FBXL20: variants seen among roughly 807,000 people sequenced by gnomAD.
FBXL20 encodes the protein F-box/LRR-repeat protein 20.
Under a neutral mutation model 64.0 loss-of-function variants are expected in FBXL20, and 11 were observed. The observed-to-expected ratio is 0.17, with a 90% CI of 0.11 to 0.28. FBXL20 has a LOEUF of 0.28. FBXL20 is among the 10% of genes least tolerant of loss of function. The pLI is 1.00. For missense variants in FBXL20, 303 were observed against 526.2 expected (o/e 0.58, Z 4.15); for synonymous variants, 184 against 189.0 (o/e 0.97, Z 0.22).
intron 9 of FBXL20, among the ~76,000 whole-genome samples, chr17:39,279,902 C>A (rs1296814031): frequency 6.6e-6 from 1 of 151,922 alleles, no homozygotes; most frequent in Admixed American, 6.6e-5. Context: ...AAAAATTAGG[C>A]CATGGCAGTG....
At chr17:39,289,581 G>A (rs1363303420) in intron 6 of FBXL20, among the ~76,000 whole-genome samples, 1 of 152,008 alleles carries the variant, frequency 6.6e-6, no homozygotes, top group Non-Finnish European at 1.5e-5. Flanking sequence ...AGGAGATGGA[G>A]GGTGCAGTGA....
In FBXL20 at chr17:39,259,243, G is replaced by C. The variant is rs545497123; in HGVS notation, c.*2217C>G. On this transcript the variant is annotated 3_prime_UTR_variant, in exon 15 of 15. Transcript: ENST00000264658. Reference sequence around the variant, plus strand: ...ACTTGGGAGGCTGAGGTGGGAGGAAGGCTTGAGCCCAGGAGTTTGAGTCCA... The same window carrying C: ...ACTTGGGAGGCTGAGGTGGGAGGAACGCTTGAGCCCAGGAGTTTGAGTCCA... 5.3e-4 allele frequency: 80 copies of C among 151,880 alleles called. No individual in the cohort carries two copies. Among genetic ancestry groups the C allele is most frequent in the African/African-American group, 1.9e-3 (78 of 41,396 alleles). 9.4% of individuals were successfully genotyped at this position (151,880 alleles called of 1,614,324 possible).
chr17:39,357,500 AT>A (rs1442306907), intron 1 of FBXL20, among the ~76,000 whole-genome samples: 1 of 151,852 alleles, frequency 6.6e-6, no homozygotes, highest in Non-Finnish European at 1.5e-5. Context: ...TTCCTTTTAT[AT>A]TGCCTTCTGG....
intron 5 of FBXL20, 34 bp downstream of exon 5, chr17:39,298,956 C>T: frequency 6.5e-7 from 1 of 1,547,146 alleles, no homozygotes; most frequent in Non-Finnish European, 8.9e-7. Flanking sequence ...TCTTCACTTC[C>T]ATCAAGAAGA....
rs548144765 is a variant in FBXL20 at position 39,398,195 on chromosome 17, T to C, written c.42+3166A>G. Among the ~76,000 whole-genome samples the C allele has an allele frequency of 2.0e-5, 3 of 151,952 alleles. No homozygotes were observed. In the South Asian group the frequency reaches 6.2e-4, roughly 32 times the overall value. ...TACTCGGGAGGCTGAGGCAGTAGAATCGCTTAAAACCTGGGAAGTGGTTGC... is the reference window on the plus strand; with the variant it reads ...TACTCGGGAGGCTGAGGCAGTAGAACCGCTTAAAACCTGGGAAGTGGTTGC... On this transcript the variant is annotated intron_variant, in intron 1 of 14. Coordinates refer to ENST00000264658, the MANE Select transcript of FBXL20 (RefSeq NM_032875.3).
chr17:39,382,044 G>C (rs893966028), intron 1 of FBXL20, among the ~76,000 whole-genome samples: 9 of 134,804 alleles, frequency 6.7e-5, no homozygotes, highest in Non-Finnish European at 1.4e-4. Flanking sequence ...AGTAAGCCCA[G>C]ATCAGGCCAC....
chr17:39,365,527 T>C (rs748380642), intron 1 of FBXL20, among the ~76,000 whole-genome samples: 1 of 152,200 alleles, frequency 6.6e-6, no homozygotes, highest in Admixed American at 6.6e-5. Flanking sequence ...ACTTTCTGCT[T>C]TGGACACCTT....
intron 7 of FBXL20, 23 bp from the exon 8 acceptor site, chr17:39,282,878 G>A (rs1567862789): frequency 1.2e-6 from 2 of 1,613,386 alleles, no homozygotes; most frequent in Non-Finnish European, 1.7e-6. Context: ...CAAAATAAGA[G>A]AAACATATCA....
At chr17:39,326,338 C>T (rs1179947920) in intron 2 of FBXL20, among the ~76,000 whole-genome samples, 2 of 151,644 alleles carry the variant, frequency 1.3e-5, no homozygotes, top group Non-Finnish European at 2.9e-5. Flanking sequence ...AAATGAATAA[C>T]CTAAAGAACT....
chr17:39,326,568 G>C (rs1448418507), intron 2 of FBXL20, among the ~76,000 whole-genome samples: 1 of 151,722 alleles, frequency 6.6e-6, no homozygotes, highest in Non-Finnish European at 1.5e-5. Flanking sequence ...GCTACAGTGA[G>C]CCATAATCAC....
chr17:39,393,270 G>A (rs1205947224), intron 1 of FBXL20, among the ~76,000 whole-genome samples: 1 of 151,726 alleles, frequency 6.6e-6, no homozygotes, highest in Non-Finnish European at 1.5e-5. Context: ...GCCTGGGCAA[G>A]AAGAGCGAAA....
chr17:39,295,729 CTTATT>C (rs1228283481), intron 6 of FBXL20, among the ~76,000 whole-genome samples: 5 of 149,160 alleles, frequency 3.4e-5, no homozygotes, highest in Non-Finnish European at 5.9e-5. Context: ...ACTATTTTTA[CTTATT>C]TTATTTTTGA....
At chr17:39,265,567 G>A (rs962568800) in intron 12 of FBXL20, 114 bp from the exon 13 acceptor site, 1 of 642,214 alleles carries the variant, frequency 1.6e-6, no homozygotes, top group Middle Eastern at 4.3e-4. Flanking sequence ...GTGTAGTGGT[G>A]CAACTATAAG....
chr17:39,275,393 T>C (rs1368169594), intron 9 of FBXL20, among the ~76,000 whole-genome samples: 1 of 151,956 alleles, frequency 6.6e-6, no homozygotes, highest in Non-Finnish European at 1.5e-5. Flanking sequence ...TTAGGTTCAA[T>C]TAAATAATTT....
chr17:39,332,205 T>G (rs909981621), intron 2 of FBXL20, among the ~76,000 whole-genome samples: 2 of 152,208 alleles, frequency 1.3e-5, no homozygotes, highest in African/African-American at 4.8e-5. Flanking sequence ...TATAAAACAT[T>G]GTGTGCGAGC....
intron 9 of FBXL20, among the ~76,000 whole-genome samples, chr17:39,275,499 C>A (rs889108204): frequency 6.6e-6 from 1 of 152,054 alleles, no homozygotes; most frequent in African/African-American, 2.4e-5. Flanking sequence ...GCAACCTCCA[C>A]CTCCCAGGTT....
intron 1 of FBXL20, among the ~76,000 whole-genome samples, chr17:39,355,074 G>C (rs995947295): frequency 1.3e-5 from 2 of 152,204 alleles, no homozygotes; most frequent in African/African-American, 4.8e-5. Context: ...TGGGATTATA[G>C]GCATGCGCCA....
intron 14 of FBXL20, chr17:39,263,952 C>T (rs1409617315): frequency 8.3e-6 from 4 of 484,606 alleles, no homozygotes; most frequent in Non-Finnish European, 1.5e-5. Flanking sequence ...TGGGAGGAGA[C>T]CTACTTTTCT....
At chr17:39,356,455 A>C (rs2047741498) in intron 1 of FBXL20, among the ~76,000 whole-genome samples, 1 of 152,010 alleles carries the variant, frequency 6.6e-6, no homozygotes, top group Admixed American at 6.6e-5. Context: ...TCTTGGGCTC[A>C]AGTGATCATC....
Sources: allele counts gnomAD v4.1 joint callset (sites outside exome capture counted in the v4.1 genomes callset), GRCh38; gene constraint gnomAD v4.1.1; transcripts MANE v1.5; gene names NCBI Gene and HGNC (gene_info 2026-07-23, HGNC 2026-07-21).